The following ADAP1 variants were observed in gnomAD, a reference collection of about 807,000 sequenced individuals.
ADAP1 encodes the protein ArfGAP with dual PH domains 1.
A neutral mutation model predicts 54.9 loss-of-function variants in ADAP1; 31 were observed. The observed-to-expected ratio is 0.56, with a 90% CI of 0.42 to 0.76. The LOEUF (loss-of-function observed/expected upper bound fraction) is 0.76. Among genes scored for constraint, ADAP1 ranks in the 30% least tolerant of loss-of-function variants. The pLI is 0.00. For synonymous variants in ADAP1, 313 were observed against 202.6 expected (o/e 1.55, Z -4.63); for missense variants, 535 against 512.4 (o/e 1.04, Z -0.42).
rs745564713 is a variant in ADAP1 at position 899,074 on chromosome 7, T to C, written c.1055A>G (p.Gln352Arg). 5 of 1,608,278 alleles carry C rather than the reference T, an allele frequency of 3.1e-6. No homozygotes were observed. The Admixed American group carries it at 5.0e-5, about 16-fold the overall frequency. ...CAGCATGGGCCTGTCCACCGCCTTC[T>C]GGAAGGCCGCCACCCACTCCCTCTG... ...SDQREWVAAFQKAVDRPMLPQ... is the reference protein window; with the variant it reads ...SDQREWVAAFRKAVDRPMLPQ... The change falls in exon 10 of 11, where the codon CAG becomes CGG. Residue 352 changes from glutamine (Q) to arginine (R), a missense_variant. By Grantham distance (43) the Gln-to-Arg change is conservative (BLOSUM62 1). Transcript: ENST00000265846.
chr7:905,456 G>GGAGAAAGGA (rs71020540), intron 4 of ADAP1: 1 of 82,702 alleles, frequency 1.2e-5, no homozygotes, highest in Non-Finnish European at 2.1e-5. Flanking sequence ...AGGGAGAAAG[G>GGAGAAAGGA]GAAAGGAGAA....
rs200044511 is a variant in ADAP1, at chr7:904,132, G to A, written c.642C>T (p.Asp214=). 210 of 1,612,362 alleles carry A rather than the reference G, an allele frequency of 1.3e-4. No individual in the cohort carries two copies. The highest frequency in any genetic ancestry group is 3.6e-4 in the East Asian group (16 of 44,842). Residue 214 remains aspartate, a synonymous_variant, in exon 6 of 11, where the codon GAC becomes GAT. Transcript: ENST00000265846. ...AGTGCTCGCCAGCACCCACCTTCCCGTCCTCATGGTAGATGAAGATGTTAC... is the reference window on the plus strand; with the variant it reads ...AGTGCTCGCCAGCACCCACCTTCCCATCCTCATGGTAGATGAAGATGTTAC... ...STRNIFIYHE[D]GKEIVDWFNA...
Position 903,885 on chromosome 7 carries a change from GGCCCTGGGAAGCTGCCTTCCT to G in ADAP1, c.648+220_648+240del. ...TGGTGATCCGGCTCCTGGGCAGCCC[GGCCCTGGGAAGCTGCCTTCCT>G]GCACCTGTCTTCCCATGCTGCCCGG... On this transcript the variant is annotated intron_variant, in intron 6 of 10. Transcript: ENST00000265846. 1.3e-5 allele frequency: 6 copies of G among 477,332 alleles called. No homozygotes were observed. In the South Asian group the frequency reaches 1.4e-4, roughly 11 times the overall value. 29.6% of individuals were successfully genotyped at this position (477,332 alleles called of 1,614,324 possible). A position where few individuals can be genotyped will look rare whatever the true frequency, so the allele number is the denominator to read the frequency against.
rs1399521380 is a variant in ADAP1 at position 945,271 on chromosome 7, G to A, written c.82+9125C>T. On this transcript the variant is annotated intron_variant, in intron 1 of 10. Coordinates refer to ENST00000265846, the MANE Select transcript of ADAP1 (RefSeq NM_006869.4). The surrounding 1 kb of genome is among the most constrained non-coding windows in gnomAD (Gnocchi z 4.2). ...CCCGCAGCCCATCGGAGCGAAAAGG[G>A]GCGGGGCACGCACTCTCAGAGACCC... is the stretch of plus-strand genomic sequence containing the variant. Among the ~76,000 whole-genome samples the A allele has an allele frequency of 6.6e-6, 1 of 152,224 alleles. No individual in the cohort carries two copies. Among genetic ancestry groups the A allele is most frequent in the Admixed American group, 6.5e-5 (1 of 15,286 alleles).
At chr7:905,688 GAGAAAGGA>G (rs1845198978) in intron 4 of ADAP1, 18 of 110,306 alleles carry the variant, frequency 1.6e-4, no homozygotes, top group African/African-American at 4.4e-4. Flanking sequence ...AAGGAGAAAG[GAGAAAGGA>G]GAAAGGAGAA....
Position 945,878 on chromosome 7 carries a change from C to T in ADAP1, c.82+8518G>A, listed in dbSNP as rs796142197. 1 of 971,894 alleles carries T rather than the reference C, an allele frequency of 1.0e-6. No individual in the cohort carries two copies. The highest frequency in any genetic ancestry group is 1.2e-6 in the Non-Finnish European group (1 of 817,596). 60.2% of individuals were successfully genotyped at this position (971,894 alleles called of 1,614,324 possible). ...AGCCAGGTGGGGCAGGCGTGTCCCC[C>T]AAGCCAAGGCCCAGGCTGGGGCACG... On this transcript the variant is annotated intron_variant, in intron 1 of 10. Transcript: ENST00000265846. The surrounding 1 kb of genome is among the most constrained non-coding windows in gnomAD (Gnocchi z 4.2).
Position 920,114 on chromosome 7 carries a change from C to G in ADAP1, c.306-64G>C. Reference sequence around the variant, plus strand: ...GGCCTCCGACCCAGCACACGCCGCTCTCTGGCCCGGACCCTGGACATCTCA... The same window carrying G: ...GGCCTCCGACCCAGCACACGCCGCTGTCTGGCCCGGACCCTGGACATCTCA... On this transcript the variant is annotated intron_variant, in intron 3 of 10. Transcript: ENST00000265846. The surrounding 1 kb of genome is among the most constrained non-coding windows in gnomAD (Gnocchi z 4.5). The G allele has an allele frequency of 6.7e-7, 1 of 1,487,590 alleles. No individual in the cohort carries two copies. The highest frequency in any genetic ancestry group is 9.2e-7 in the Non-Finnish European group (1 of 1,087,508). The allele number at this position is 1,487,590 out of a possible 1,614,324, so 92.1% of individuals were successfully genotyped here. A position where few individuals can be genotyped will look rare whatever the true frequency, so the allele number is the denominator to read the frequency against.
chr7:898,869 C>A lies in ADAP1; in HGVS notation c.*52G>T. 1.3e-6 allele frequency: 2 copies of A among 1,564,402 alleles called. No individual in the cohort carries two copies. The highest frequency in any genetic ancestry group is 1.7e-6 in the Non-Finnish European group (2 of 1,156,904). Reference sequence around the variant, plus strand: ...CCAGAGCCCCCCCATCCACGGGTCCCCTCCGTCCAGCCACAGTGAGTCCAA... The same window carrying A: ...CCAGAGCCCCCCCATCCACGGGTCCACTCCGTCCAGCCACAGTGAGTCCAA... On this transcript the variant is annotated 3_prime_UTR_variant, in exon 11 of 11. Coordinates refer to ENST00000265846, the MANE Select transcript of ADAP1 (RefSeq NM_006869.4).
At chr7:899,310 C>A in intron 9 of ADAP1, 49 bp from the exon 10 acceptor site, 1 of 1,608,082 alleles carries the variant, frequency 6.2e-7, no homozygotes, top group African/African-American at 1.3e-5. Flanking sequence ...CTTCCAGCCC[C>A]GCTTCACTCA....
chr7:934,890 C>G (rs1846699350), intron 2 of ADAP1, among the ~76,000 whole-genome samples: 1 of 152,208 alleles, frequency 6.6e-6, no homozygotes, highest in South Asian at 2.1e-4. Flanking sequence ...TGTGTCACCT[C>G]AGAGGCCGCC....
chr7:911,228 G>A (rs567865490), intron 4 of ADAP1, among the ~76,000 whole-genome samples: 1 of 152,134 alleles, frequency 6.6e-6, no homozygotes, highest in African/African-American at 2.4e-5. Context: ...GGGCTCCTGG[G>A]GTCAGCTCTC....
At chr7:940,186 G>A (rs142399733) in intron 1 of ADAP1, among the ~76,000 whole-genome samples, 42 of 152,042 alleles carry the variant, frequency 2.8e-4, no homozygotes, top group Non-Finnish European at 4.6e-4. Flanking sequence ...AAGAAATAGA[G>A]ACACCAGCCA....
Position 900,704 on chromosome 7 carries a change from C to T in ADAP1, c.649-88G>A, listed in dbSNP as rs558363566. 8.1e-4 allele frequency: 715 copies of T among 887,572 alleles called. 12 individuals carry two copies. The East Asian group carries it at 0.031, about 39-fold the overall frequency. The allele number at this position is 887,572 out of a possible 1,614,324, so 55.0% of individuals were successfully genotyped here. A position where few individuals can be genotyped will look rare whatever the true frequency, so the allele number is the denominator to read the frequency against. ...GGGGCTGGGGTCCCCACAGAGGGGC[C>T]GCTTCCCCCAGAGCCCAGCCCCTTC... On this transcript the variant is annotated intron_variant, in intron 6 of 10. Coordinates refer to ENST00000265846, the MANE Select transcript of ADAP1 (RefSeq NM_006869.4).
chr7:926,999 C>A lies in ADAP1; in HGVS notation c.214-355G>T, dbSNP rs983090074. ...GAGAGAGCTGGCTGCATCCTGTGAC[C>A]CCCATCTCTGCCCCAGAGAGCGAGG... On this transcript the variant is annotated intron_variant, in intron 2 of 10. Transcript: ENST00000265846. This position sits in a 1 kb window ranked among gnomAD's most constrained non-coding sequence, Gnocchi z 4.6. The A allele has an allele frequency of 7.1e-6, 9 of 1,261,510 alleles. No homozygotes were observed. In the South Asian group the frequency reaches 1.3e-4, roughly 19 times the overall value. The allele number at this position is 1,261,510 out of a possible 1,614,324, so 78.1% of individuals were successfully genotyped here.
chr7:934,349 G>C (rs1053652666), intron 2 of ADAP1, among the ~76,000 whole-genome samples: 1 of 149,824 alleles, frequency 6.7e-6, no homozygotes, highest in African/African-American at 2.5e-5. Flanking sequence ...GCTGGGATCA[G>C]TGGTCCTGGA....
intron 4 of ADAP1, among the ~76,000 whole-genome samples, chr7:907,913 C>T (rs913802737): frequency 1.3e-5 from 2 of 152,102 alleles, no homozygotes; most frequent in African/African-American, 4.8e-5. Context: ...GCCGAGGAGC[C>T]GTCTGCCGAG....
chr7:935,080 G>C (rs1846707132), intron 2 of ADAP1: 1 of 548,148 alleles, frequency 1.8e-6, no homozygotes, highest in South Asian at 1.5e-5. Context: ...TTTGAGGGGA[G>C]CACTCCGGAG....
chr7:900,586 C>T lies in ADAP1; in HGVS notation c.679G>A (p.Ala227Thr). ...EIVDWFNALR[A>T]ARFHYLQVAF... Reference sequence around the variant, plus strand: ...ACCTGCAGGTAGTGGAAGCGAGCAGCTCGGAGTGCATTGAACCAGTCCACA... The same window carrying T: ...ACCTGCAGGTAGTGGAAGCGAGCAGTTCGGAGTGCATTGAACCAGTCCACA... The change falls in exon 7 of 11, where the codon GCT becomes ACT. Residue 227 changes from alanine (A) to threonine (T), a missense_variant. Ala to Thr is a moderately conservative substitution (Grantham distance 58). Coordinates refer to ENST00000265846, the MANE Select transcript of ADAP1 (RefSeq NM_006869.4). 1 of 1,610,888 alleles carries T rather than the reference C, an allele frequency of 6.2e-7. No individual in the cohort carries two copies. The highest frequency in any genetic ancestry group is 8.5e-7 in the Non-Finnish European group (1 of 1,179,328).
At position 905,172 on chromosome 7, in the gene ADAP1, C is replaced by G; in HGVS notation, c.389G>C (p.Gly130Ala). Residue 130 changes from glycine (G) to alanine (A), a missense_variant and splice_region_variant, in exon 5 of 11, where the codon GGG becomes GCG. By Grantham distance (60) the Gly-to-Ala change is moderately conservative. Transcript: ENST00000265846. ...YPEKQEPYSA[G>A]YREGFLWKRG... ...CTTCCAGAGAAAACCCTCACGGTAC[C>G]CTGTGGGGGAAAGGGGACACGAGTC... 5.6e-6 allele frequency: 9 copies of G among 1,610,336 alleles called. No homozygotes were observed. The highest frequency in any genetic ancestry group is 6.8e-6 in the Non-Finnish European group (8 of 1,178,914).
Sources: allele counts gnomAD v4.1 joint callset (sites outside exome capture counted in the v4.1 genomes callset), GRCh38; gene constraint gnomAD v4.1.1; non-coding constraint Gnocchi (gnomAD v3.1); transcripts MANE v1.5; gene names NCBI Gene and HGNC (gene_info 2026-07-23, HGNC 2026-07-21).